Variants in MAGI2 observed in about 807,000 individuals in gnomAD.
MAGI2 encodes membrane-associated guanylate kinase, WW and PDZ domain-containing protein 2.
Under a neutral mutation model 133.3 loss-of-function variants are expected in MAGI2, and 35 were observed. The ratio of observed to expected loss-of-function variants is 0.26; its 90% CI spans 0.20 to 0.35. The LOEUF (loss-of-function observed/expected upper bound fraction) is 0.35, where lower values mean the gene tolerates loss of function less well. Among genes scored for constraint, MAGI2 ranks in the 10% least tolerant of loss-of-function variants. The pLI is 1.00. For synonymous variants in MAGI2, 729 were observed against 710.6 expected (o/e 1.03, Z -0.41); for missense variants, 1,636 against 1,863.4 (o/e 0.88, Z 2.25).
At chr7:78,953,936 C>T (rs1584489203) in intron 2 of MAGI2, among the ~76,000 whole-genome samples, 2 of 152,072 alleles carry the variant, frequency 1.3e-5, no homozygotes, top group East Asian at 1.9e-4. Flanking sequence ...TTGAGGATGA[C>T]TCATAGTGTT....
intron 1 of MAGI2, among the ~76,000 whole-genome samples, chr7:79,222,867 CTTTTTGTT>C (rs1830546397): frequency 6.6e-6 from 1 of 151,820 alleles, no homozygotes; most frequent in African/African-American, 2.4e-5. Context: ...CATTTCTTTT[CTTTTTGTT>C]TTTTTGTTTG....
chr7:78,334,983 T>C (rs566917929), intron 9 of MAGI2, among the ~76,000 whole-genome samples: 64 of 152,322 alleles, frequency 4.2e-4, no homozygotes, highest in African/African-American at 1.4e-3. Context: ...CAAAACCTGC[T>C]GCCACCTGTA....
At chr7:78,639,784 T>G (rs1304012902) in intron 2 of MAGI2, among the ~76,000 whole-genome samples, 3 of 152,116 alleles carry the variant, frequency 2.0e-5, no homozygotes. Flanking sequence ...TTCAGGCCAG[T>G]GTGACTGTGG....
chr7:78,257,175 C>T (rs1437188281), intron 9 of MAGI2, among the ~76,000 whole-genome samples: 2 of 152,094 alleles, frequency 1.3e-5, no homozygotes, highest in Non-Finnish European at 2.9e-5. Context: ...TGGGTTGACA[C>T]CTTGGCTCTA....
At chr7:79,254,241 T>G (rs561619733) in intron 1 of MAGI2, among the ~76,000 whole-genome samples, 3 of 152,308 alleles carry the variant, frequency 2.0e-5, no homozygotes, top group Admixed American at 2.0e-4. Context: ...TTCTATTAAC[T>G]TGTAAGAATT....
At chr7:78,359,325 T>G (rs1792524828) in intron 7 of MAGI2, 1 of 152,198 alleles carries the variant, frequency 6.6e-6, no homozygotes, top group Admixed American at 6.5e-5. Flanking sequence ...CAGCATGATC[T>G]TACTGTTATT....
At chr7:78,876,321 C>CAAAAAAAAAAAAAAA (rs57950337) in intron 2 of MAGI2, among the ~76,000 whole-genome samples, 5 of 79,676 alleles carry the variant, frequency 6.3e-5, no homozygotes, top group African/African-American at 2.2e-4. Context: ...GACTCCGTCT[C>CAAAAAAAAAAAAAAA]AAAAAAAAAA....
chr7:79,000,098 C>T (rs919227712), intron 2 of MAGI2: 1 of 152,144 alleles, frequency 6.6e-6, no homozygotes, highest in African/African-American at 2.4e-5. Flanking sequence ...CTTTAAAATT[C>T]AGTTGGATAT....
chr7:79,053,798 A>C (rs1369064882), intron 1 of MAGI2, among the ~76,000 whole-genome samples: 1 of 152,246 alleles, frequency 6.6e-6, no homozygotes, highest in East Asian at 1.9e-4. Flanking sequence ...AAAGCTAATT[A>C]ATGTAAAATG....
chr7:78,535,690 T>G (rs1797828830), intron 3 of MAGI2, among the ~76,000 whole-genome samples: 1 of 152,120 alleles, frequency 6.6e-6, no homozygotes, highest in African/African-American at 2.4e-5. Context: ...ACCCCCTTCT[T>G]GCCTGGGGAG....
intron 9 of MAGI2, among the ~76,000 whole-genome samples, chr7:78,279,361 G>T (rs890344610): frequency 1.3e-5 from 2 of 152,158 alleles, no homozygotes; most frequent in African/African-American, 4.8e-5. Flanking sequence ...TAAGTCTCCT[G>T]CTTTGTAGGT....
At chr7:78,665,329 A>G (rs934352285) in intron 2 of MAGI2, among the ~76,000 whole-genome samples, 3 of 152,194 alleles carry the variant, frequency 2.0e-5, no homozygotes, top group Non-Finnish European at 4.4e-5. Flanking sequence ...TAACATATAC[A>G]TATAGGATAG....
intron 6 of MAGI2, chr7:78,486,585 A>C: frequency 3.5e-6 from 1 of 288,188 alleles, no homozygotes; most frequent in Admixed American, 3.5e-5. Flanking sequence ...CTGAAGACTA[A>C]TGCAGGACCC....
chr7:78,132,711 C>G (rs1821693475), intron 18 of MAGI2, among the ~76,000 whole-genome samples, 178 bp downstream of exon 18: 1 of 152,224 alleles, frequency 6.6e-6, no homozygotes, highest in South Asian at 2.1e-4. Flanking sequence ...ACTCAGCTAT[C>G]TTTACTAATA....
At chr7:78,926,811 G>T (rs1197923196) in intron 2 of MAGI2, among the ~76,000 whole-genome samples, 2 of 151,432 alleles carry the variant, frequency 1.3e-5, no homozygotes, top group Non-Finnish European at 2.9e-5. Flanking sequence ...AGAAATCTTT[G>T]TGTTTGGTGG....
At chr7:78,488,599 C>A (rs1793293823) in intron 6 of MAGI2, among the ~76,000 whole-genome samples, 1 of 151,960 alleles carries the variant, frequency 6.6e-6, no homozygotes, top group African/African-American at 2.4e-5. Context: ...AAGTTCTGAT[C>A]ATACAATAAT....
At chr7:78,282,697 G>A (rs922411080) in intron 9 of MAGI2, among the ~76,000 whole-genome samples, 1 of 152,000 alleles carries the variant, frequency 6.6e-6, no homozygotes, top group South Asian at 2.1e-4. Context: ...TTTCTTTATG[G>A]CCTAAATATA....
At chr7:78,584,189 A>G (rs1803146149) in intron 3 of MAGI2, among the ~76,000 whole-genome samples, 1 of 152,214 alleles carries the variant, frequency 6.6e-6, no homozygotes, top group South Asian at 2.1e-4. Context: ...TGGGAGGCAG[A>G]GGCAGGCAGA....
At chr7:78,632,206 T>C (rs1254903058) in intron 2 of MAGI2, among the ~76,000 whole-genome samples, 1 of 152,236 alleles carries the variant, frequency 6.6e-6, no homozygotes. Flanking sequence ...TTCATGGAAC[T>C]AATATTTTAA....
Sources: allele counts gnomAD v4.1 joint callset (sites outside exome capture counted in the v4.1 genomes callset), GRCh38; gene constraint gnomAD v4.1.1; transcripts MANE v1.5; gene names NCBI Gene and HGNC (gene_info 2026-07-23, HGNC 2026-07-21).